Variants in CHRNA4 observed in about 807,000 individuals in gnomAD.
CHRNA4 encodes neuronal acetylcholine receptor subunit alpha-4.
Under a neutral mutation model 48.9 loss-of-function variants are expected in CHRNA4, and 28 were observed. The ratio of observed to expected loss-of-function variants is 0.57; its 90% CI spans 0.42 to 0.79. The LOEUF (loss-of-function observed/expected upper bound fraction) is 0.79, where lower values mean the gene tolerates loss of function less well. Among genes scored for constraint, CHRNA4 ranks in the 30% least tolerant of loss-of-function variants. The pLI is 0.00. For synonymous variants in CHRNA4, 425 were observed against 402.3 expected (o/e 1.06, Z -0.68); for missense variants, 859 against 898.4 (o/e 0.96, Z 0.56).
chr20:63,352,085 G>C (rs1655909446), intron 4 of CHRNA4, among the ~76,000 whole-genome samples: 1 of 152,170 alleles, frequency 6.6e-6, no homozygotes, highest in Non-Finnish European at 1.5e-5. Context: ...GACGCGTCGG[G>C]GGGAGCGGCT....
rs2068691101 is a variant in CHRNA4, at chr20:63,354,649, T to C, written c.383+1326A>G. The C allele has an allele frequency of 1.2e-5, 11 of 928,020 alleles. No individual in the cohort carries two copies. In the African/African-American group the frequency reaches 1.6e-4, roughly 14 times the overall value. The allele number at this position is 928,020 out of a possible 1,614,324, so 57.5% of individuals were successfully genotyped here. A position where few individuals can be genotyped will look rare whatever the true frequency, so the allele number is the denominator to read the frequency against. ...GGGTTTGAGGTCACAGTGGGGGCTG[T>C]GGTCCTCAGAGGCTTCGTTCCTGGG... On this transcript the variant is annotated intron_variant, in intron 4 of 5. Coordinates refer to ENST00000370263, the MANE Select transcript of CHRNA4 (RefSeq NM_000744.7).
chr20:63,349,436 G>C, intron 5 of CHRNA4: 1 of 621,916 alleles, frequency 1.6e-6, no homozygotes, highest in Non-Finnish European at 2.8e-6. Flanking sequence ...TCCACCCTGT[G>C]CCAGCCACTC....
chr20:63,346,756 C>G lies in CHRNA4; in HGVS notation c.1866G>C (p.Trp622Cys). The G allele has an allele frequency of 6.2e-7, 1 of 1,610,718 alleles. No homozygotes were observed. Residue 622 changes from tryptophan to cysteine, a missense_variant, in exon 6 of 6, where the codon TGG becomes TGC. Physicochemically the swap from Trp to Cys is radical, Grantham distance 215. Coordinates refer to ENST00000370263, the MANE Select transcript of CHRNA4 (RefSeq NM_000744.7). ...TCCCTTCCTAGATCATGCCAGCCAGCCAGGGCGGCAGGAAGAGGCCCACCG... is the reference window on the plus strand; with the variant it reads ...TCCCTTCCTAGATCATGCCAGCCAGGCAGGGCGGCAGGAAGAGGCCCACCG... ...LGTVGLFLPP[W>C]LAGMI
In CHRNA4 at chr20:63,343,815, A is replaced by G. The variant is rs201565807; in HGVS notation, c.*2923T>C. On this transcript the variant is annotated 3_prime_UTR_variant, in exon 6 of 6. Coordinates refer to ENST00000370263, the MANE Select transcript of CHRNA4 (RefSeq NM_000744.7). ...TCTCCCGCTGCCTGGTGCCTGGCAC[A>G]GGGCGGGGAAACGTTGGCTTAGTGT... The G allele has an allele frequency of 4.4e-6, 2 of 454,158 alleles. No homozygotes were observed. Among genetic ancestry groups the G allele is most frequent in the Admixed American group, 4.7e-5 (2 of 42,576 alleles). The allele number at this position is 454,158 out of a possible 1,614,324, so 28.1% of individuals were successfully genotyped here. A position where few individuals can be genotyped will look rare whatever the true frequency, so the allele number is the denominator to read the frequency against.
chr20:63,358,241 G>A (rs2068749061), intron 2 of CHRNA4, among the ~76,000 whole-genome samples: 1 of 152,196 alleles, frequency 6.6e-6, no homozygotes. Flanking sequence ...CCCTGCATGG[G>A]CAACTGCCAC....
Position 63,344,565 on chromosome 20 carries a change from C to G in CHRNA4, c.*2173G>C. On this transcript the variant is annotated 3_prime_UTR_variant, in exon 6 of 6. Transcript: ENST00000370263. This position sits in a 1 kb window ranked among gnomAD's most constrained non-coding sequence, Gnocchi z 4.5. ...CACCCCCGGCAGGAGGGTCCCCCGG[C>G]AGGAGCGTCCCAGCCACTCCGCAGT... 2.2e-6 allele frequency: 1 copy of G among 453,508 alleles called. No homozygotes were observed. Among genetic ancestry groups the G allele is most frequent in the South Asian group, 1.6e-5 (1 of 64,426 alleles). The allele number at this position is 453,508 out of a possible 1,614,324, so 28.1% of individuals were successfully genotyped here.
At chr20:63,349,440 G>T in intron 5 of CHRNA4, 1 of 632,422 alleles carries the variant, frequency 1.6e-6, no homozygotes, top group Non-Finnish European at 2.7e-6. Flanking sequence ...CCCTGTGCCA[G>T]CCACTCGGGG....
At position 63,350,536 on chromosome 20, in the gene CHRNA4, A is replaced by G. The variant is rs376633839; in HGVS notation, c.875T>C (p.Ile292Thr). The stretch of plus-strand genomic sequence containing the variant: ...TGAGGTGGACGGGATGATCTCGGTG[A>G]TGAGCAGCAGGAAGACGGTGAGCGA... ...LLSLTVFLLL[I>T]TEIIPSTSLV... The change falls in exon 5 of 6, where the codon ATC becomes ACC. Residue 292 changes from isoleucine (I) to threonine (T), a missense_variant. Coordinates refer to ENST00000370263, the MANE Select transcript of CHRNA4 (RefSeq NM_000744.7). 1.2e-6 allele frequency: 2 copies of G among 1,613,358 alleles called. No homozygotes were observed. The highest frequency in any genetic ancestry group is 1.7e-6 in the Non-Finnish European group (2 of 1,179,858).
intron 5 of CHRNA4, 53 bp downstream of exon 5, chr20:63,349,600 C>T (rs760160478): frequency 3.2e-5 from 51 of 1,606,298 alleles, no homozygotes; most frequent in South Asian, 5.5e-5. Flanking sequence ...AAAGGGCGTC[C>T]GCCGGTTCCG....
At chr20:63,348,111 G>C (rs1568806399) in intron 5 of CHRNA4, among the ~76,000 whole-genome samples, 1 of 152,224 alleles carries the variant, frequency 6.6e-6, no homozygotes, top group Non-Finnish European at 1.5e-5. Context: ...TTGTCCCCGA[G>C]GTGGCTGCTG....
At position 63,361,140 on chromosome 20, in the gene CHRNA4, G is replaced by C; in HGVS notation, c.26C>G (p.Pro9Arg). The change falls in exon 1 of 6, where the codon CCG becomes CGG. Residue 9 changes from proline (P) to arginine (R), a missense_variant. By Grantham distance (103) the Pro-to-Arg change is moderately radical (BLOSUM62 -2). This residue lies in a region of CHRNA4 where 342 missense variants were observed against 365.3 expected (regional missense o/e 0.94). Coordinates refer to ENST00000370263, the MANE Select transcript of CHRNA4 (RefSeq NM_000744.7). MELGGPGAPRLLPPLLLLL... is the reference protein window; with the variant it reads MELGGPGARRLLPPLLLLL... ...CAGCAGCAGCGGCGGCAGCAGCCGCGGCGCTCCGGGGCCCCCTAGCTCCAT... is the reference window on the plus strand; with the variant it reads ...CAGCAGCAGCGGCGGCAGCAGCCGCCGCGCTCCGGGGCCCCCTAGCTCCAT... The C allele has an allele frequency of 6.8e-7, 1 of 1,477,348 alleles. No homozygotes were observed. Among genetic ancestry groups the C allele is most frequent in the Non-Finnish European group, 8.9e-7 (1 of 1,119,962 alleles). The allele number at this position is 1,477,348 out of a possible 1,614,324, so 91.5% of individuals were successfully genotyped here.
chr20:63,346,884 A>T (rs2068505207), intron 5 of CHRNA4, 21 bp from the exon 6 acceptor site: 1 of 1,611,786 alleles, frequency 6.2e-7, no homozygotes, highest in Admixed American at 1.7e-5. Flanking sequence ...AGACGCCGTC[A>T]CTCCAGCACG....
chr20:63,357,032 C>CCCCACAGGACATCCCCACAGGACTACAT (rs1424355973), intron 2 of CHRNA4, among the ~76,000 whole-genome samples: 33 of 148,522 alleles, frequency 2.2e-4, no homozygotes, highest in African/African-American at 8.2e-4. Flanking sequence ...AGAACCACGT[C>CCCCACAGGACATCCCCACAGGACTACAT]CCCACAGGAC....
At chr20:63,349,611 TC>T in intron 5 of CHRNA4, 41 bp downstream of exon 5, 1 of 1,610,822 alleles carries the variant, frequency 6.2e-7, no homozygotes, top group Non-Finnish European at 8.5e-7. Flanking sequence ...GCCGGTTCCG[TC>T]TGGGTCAGAG....
Position 63,350,181 on chromosome 20 carries a change from G to C in CHRNA4, c.1230C>G (p.Val410=). Residue 410 remains valine, a synonymous_variant, in exon 5 of 6, where the codon GTC becomes GTG. Transcript: ENST00000370263. The part of the protein sequence containing the change: ...SLHPPSPSFC[V]PLDVPAEPGP... ...CAGGCTCAGCCGGCACATCCAGGGG[G>C]ACACAGAAGGACGGTGAGGGCGGGT... is the stretch of plus-strand genomic sequence containing the variant. The C allele has an allele frequency of 6.3e-7, 1 of 1,592,750 alleles. No individual in the cohort carries two copies.
At chr20:63,358,042 T>C (rs3787141) in intron 2 of CHRNA4, among the ~76,000 whole-genome samples, 14,966 of 152,140 alleles carry the variant, frequency 0.098, 806 homozygotes, top group Middle Eastern at 0.19. Flanking sequence ...CTGCCAGCTA[T>C]CACTTTGCAG....
At position 63,356,389 on chromosome 20, in the gene CHRNA4, C is replaced by T. The variant is rs145142528; in HGVS notation, c.255G>A (p.Thr85=). Residue 85 remains threonine (T), a synonymous_variant, in exon 3 of 6, where the codon ACG becomes ACA. Transcript: ENST00000370263. ...CACTCACCTGCTTCACCCATACGTT[C>T]GTGGTCATCATCTGGTTCTTCTCAT... ...DVDEKNQMMT[T]NVWVKQEWHD... The T allele has an allele frequency of 1.9e-5, 31 of 1,600,700 alleles. No homozygotes were observed. The highest frequency in any genetic ancestry group is 2.3e-5 in the Non-Finnish European group (27 of 1,174,286).
chr20:63,344,698 G>C lies in CHRNA4; in HGVS notation c.*2040C>G, dbSNP rs1443653219. On this transcript the variant is annotated 3_prime_UTR_variant, in exon 6 of 6. Transcript: ENST00000370263. This position sits in a 1 kb window ranked among gnomAD's most constrained non-coding sequence, Gnocchi z 4.5. ...TGGGTCCACTTATGCAATGTGGATCGGGCTTCTTACATCTGAAATCTGCGT... is the reference window on the plus strand; with the variant it reads ...TGGGTCCACTTATGCAATGTGGATCCGGCTTCTTACATCTGAAATCTGCGT... The C allele has an allele frequency of 4.4e-6, 2 of 453,894 alleles. No homozygotes were observed. Among genetic ancestry groups the C allele is most frequent in the Non-Finnish European group, 8.8e-6 (2 of 226,778 alleles). 28.1% of individuals were successfully genotyped at this position (453,894 alleles called of 1,614,324 possible).
intron 5 of CHRNA4, among the ~76,000 whole-genome samples, chr20:63,347,529 C>T (rs1180346059): frequency 6.6e-6 from 1 of 152,244 alleles, no homozygotes; most frequent in Non-Finnish European, 1.5e-5. Context: ...GGCGGACCTC[C>T]CCCGGGTGAC....
Sources: gnomAD v4.1 joint callset for allele counts (sites outside exome capture counted in the v4.1 genomes callset) on GRCh38, gnomAD v4.1.1 for gene constraint, gnomAD v4.1.1 regional missense constraint, Gnocchi (gnomAD v3.1) non-coding constraint, MANE v1.5 for transcripts, NCBI Gene and HGNC (gene_info 2026-07-23, HGNC 2026-07-21) for gene names.